ZNF280B: variants seen among roughly 807,000 people sequenced by gnomAD.
The protein encoded by ZNF280B is zinc finger protein 280B.
A neutral mutation model predicts 38.0 loss-of-function variants in ZNF280B; 16 were observed. The ratio of observed to expected loss-of-function variants is 0.42; its 90% confidence interval spans 0.28 to 0.64. ZNF280B has a LOEUF of 0.64. Ranked by LOEUF, ZNF280B falls within the 30% of genes least tolerant of loss-of-function variation. The probability of loss-of-function intolerance (pLI) is 0.21; values close to 1 mark genes in which losing one functional copy is unlikely to be tolerated. For missense variants in ZNF280B, 581 were observed against 639.6 expected (o/e 0.91, Z 0.99); for synonymous variants, 253 against 230.6 (o/e 1.10, Z -0.88).
intron 3 of ZNF280B, among the ~76,000 whole-genome samples, chr22:22,489,870 CTA>C (rs2061558946): frequency 6.6e-6 from 1 of 151,788 alleles, no homozygotes; most frequent in Non-Finnish European, 1.5e-5. Flanking sequence ...ATGTATTTTG[CTA>C]TCTTAAAGGC....
chr22:22,503,239 GGAGTGACTGC>G (rs1336143091), intron 2 of ZNF280B, among the ~76,000 whole-genome samples: 1 of 151,860 alleles, frequency 6.6e-6, no homozygotes, highest in Non-Finnish European at 1.5e-5. Flanking sequence ...AGTAATATAG[GGAGTGACTGC>G]TAATGGATAC....
At chr22:22,501,007 A>G (rs1355122991) in intron 2 of ZNF280B, among the ~76,000 whole-genome samples, 2 of 133,500 alleles carry the variant, frequency 1.5e-5, no homozygotes, top group Non-Finnish European at 1.6e-5. Context: ...GCAACACACC[A>G]AGACTCCGTC....
rs201381935 is a variant in ZNF280B, at chr22:22,487,983, G to C, written c.1416C>G (p.Phe472Leu). The C allele has an allele frequency of 1.9e-6, 3 of 1,613,454 alleles. No individual in the cohort carries two copies. Among genetic ancestry groups the C allele is most frequent in the Non-Finnish European group, 2.5e-6 (3 of 1,179,874 alleles). ...GGGTCTTGTGCTCCATTTTCTCCTT[G>C]AAAGTTAAAAACTGTAGCCGGCACT... ...CSKCRLQFLT[F>L]KEKMEHKTQC... is the part of the protein sequence containing the mutation. The change falls in exon 4 of 4, where the codon TTC (phenylalanine) becomes TTG (leucine). Residue 472 changes from phenylalanine (F) to leucine (L), a missense_variant. By Grantham distance (22) the Phe-to-Leu change is conservative. Coordinates refer to ENST00000626650, the MANE Select transcript of ZNF280B (RefSeq NM_080764.4).
chr22:22,486,264 T>C lies in ZNF280B; in HGVS notation c.*1503A>G, dbSNP rs992364939. The C allele has an allele frequency of 3.9e-5, 6 of 152,164 alleles. No homozygotes were observed. The highest frequency in any genetic ancestry group is 1.4e-4 in the African/African-American group (6 of 41,400). 9.4% of individuals were successfully genotyped at this position (152,164 alleles called of 1,614,324 possible). On this transcript the variant is annotated 3_prime_UTR_variant, in exon 4 of 4. Coordinates refer to ENST00000626650, the MANE Select transcript of ZNF280B (RefSeq NM_080764.4). ...TAAGATATATATGCACAGAAAAATATAAAGCCATTATGGGTTTAAATTCAG... is the reference window on the plus strand; with the variant it reads ...TAAGATATATATGCACAGAAAAATACAAAGCCATTATGGGTTTAAATTCAG...
chr22:22,486,537 G>A lies in ZNF280B; in HGVS notation c.*1230C>T, dbSNP rs972499648. Reference sequence around the variant, plus strand: ...TATGGCCAGTTCATTCTCCACTAACGGCTAGCCAGAAGGGAGAGGAGAGGG... The same window carrying A: ...TATGGCCAGTTCATTCTCCACTAACAGCTAGCCAGAAGGGAGAGGAGAGGG... On this transcript the variant is annotated 3_prime_UTR_variant, in exon 4 of 4. Transcript: ENST00000626650. The A allele has an allele frequency of 3.9e-5, 6 of 152,328 alleles. No homozygotes were observed. The highest frequency in any genetic ancestry group is 1.5e-4 in the African/African-American group (6 of 41,350). The allele number at this position is 152,328 out of a possible 1,614,324, so 9.4% of individuals were successfully genotyped here.
chr22:22,501,644 G>A (rs2061827456), intron 2 of ZNF280B, among the ~76,000 whole-genome samples: 1 of 151,928 alleles, frequency 6.6e-6, no homozygotes, highest in South Asian at 2.1e-4. Context: ...TTGGAAGGCT[G>A]AGATGGGAGG....
intron 2 of ZNF280B, among the ~76,000 whole-genome samples, chr22:22,497,343 C>A (rs182361082): frequency 0.023 from 3,365 of 148,604 alleles, 60 homozygotes; most frequent in Middle Eastern, 0.1. Flanking sequence ...CCAGCCTGAC[C>A]AACATGGTGA....
intron 2 of ZNF280B, among the ~76,000 whole-genome samples, chr22:22,499,041 C>T (rs6002538): frequency 0.12 from 17,836 of 151,310 alleles, 1,247 homozygotes; most frequent in South Asian, 0.27. Flanking sequence ...CCTCGTGATC[C>T]GCTCGCCTTG....
intron 2 of ZNF280B, among the ~76,000 whole-genome samples, chr22:22,502,087 A>G (rs187333296): frequency 2.5e-3 from 374 of 152,026 alleles, no homozygotes; most frequent in Non-Finnish European, 3.9e-3. Flanking sequence ...TAATTGTGTC[A>G]CTGTACTGCA....
In ZNF280B at chr22:22,484,780, C is replaced by T. The variant is rs2061483867; in HGVS notation, c.*2987G>A. The T allele has an allele frequency of 6.6e-6, 1 of 151,774 alleles. No homozygotes were observed. Among genetic ancestry groups the T allele is most frequent in the Admixed American group, 6.6e-5 (1 of 15,184 alleles). 9.4% of individuals were successfully genotyped at this position (151,774 alleles called of 1,614,324 possible). A position where few individuals can be genotyped will look rare whatever the true frequency, so the allele number is the denominator to read the frequency against. On this transcript the variant is annotated 3_prime_UTR_variant, in exon 4 of 4. Transcript: ENST00000626650. ...CGCTTTCCAGCTTTTTCATGAAAAC[C>T]TAGGAAATTTAAATACTTTGAAGAG... is the stretch of plus-strand genomic sequence containing the variant.
Position 22,487,815 on chromosome 22 carries a change from T to C in ZNF280B, c.1584A>G (p.Glu528=). 1 of 1,610,454 alleles carries C rather than the reference T, an allele frequency of 6.2e-7. No homozygotes were observed. Among genetic ancestry groups the C allele is most frequent in the Non-Finnish European group, 8.5e-7 (1 of 1,178,778 alleles). ...TGCTTTTAGACCTGGGGAGTGATGG[T>C]TCAGAGTCAGATGTGCTCACAGTTA... ...ASITVSTSDS[E]PSLPRSKSKI... Residue 528 remains glutamate, a synonymous_variant, in exon 4 of 4, where the codon GAA becomes GAG. Coordinates refer to ENST00000626650, the MANE Select transcript of ZNF280B (RefSeq NM_080764.4).
At position 22,487,622 on chromosome 22, in the gene ZNF280B, C is replaced by T; in HGVS notation, c.*145G>A. On this transcript the variant is annotated 3_prime_UTR_variant, in exon 4 of 4. Coordinates refer to ENST00000626650, the MANE Select transcript of ZNF280B (RefSeq NM_080764.4). ...AAAATTCAGATCAAATAATATATAT[C>T]CTGAATCTTGTTTAAAAAGTCATAT... The T allele has an allele frequency of 1.6e-6, 1 of 631,148 alleles. No homozygotes were observed. Among genetic ancestry groups the T allele is most frequent in the Non-Finnish European group, 2.6e-6 (1 of 385,604 alleles). 39.1% of individuals were successfully genotyped at this position (631,148 alleles called of 1,614,324 possible).
chr22:22,501,399 T>C (rs59564267), intron 2 of ZNF280B, among the ~76,000 whole-genome samples: 2,478 of 151,474 alleles, frequency 0.016, 64 homozygotes, highest in African/African-American at 0.055. Flanking sequence ...ACCCTGTCTC[T>C]ACTAAAAATA....
chr22:22,495,145 C>T (rs2146795146), intron 2 of ZNF280B, among the ~76,000 whole-genome samples: 1 of 152,104 alleles, frequency 6.6e-6, no homozygotes, highest in Middle Eastern at 3.5e-3. Flanking sequence ...TATTTTTCTT[C>T]TGAACCCCAG....
At chr22:22,501,951 T>A (rs556995363) in intron 2 of ZNF280B, among the ~76,000 whole-genome samples, 153 of 149,978 alleles carry the variant, frequency 1.0e-3, no homozygotes, top group Admixed American at 7.9e-3. Context: ...AAAAAAAAAA[T>A]TTAAATTTAG....
Position 22,489,417 on chromosome 22 carries a change from C to G in ZNF280B, c.-19G>C, listed in dbSNP as rs781298168. On this transcript the variant is annotated 5_prime_UTR_variant, in exon 4 of 4. Transcript: ENST00000626650. ...GTTCCATTTTCTAATTTTTTTATTCCTGAATGGTGGGGCCACAAGTCCCAA... is the reference window on the plus strand; with the variant it reads ...GTTCCATTTTCTAATTTTTTTATTCGTGAATGGTGGGGCCACAAGTCCCAA... 1.3e-5 allele frequency: 20 copies of G among 1,569,710 alleles called. No individual in the cohort carries two copies. The highest frequency in any genetic ancestry group is 1.9e-5 in the Admixed American group (1 of 51,660).
At chr22:22,504,474 G>A (rs1289569126) in intron 2 of ZNF280B, among the ~76,000 whole-genome samples, 2 of 151,204 alleles carry the variant, frequency 1.3e-5, no homozygotes, top group East Asian at 3.9e-4. Flanking sequence ...TTAACTAGGT[G>A]TTAAAAGCCA....
In ZNF280B at chr22:22,486,472, C is replaced by A. The variant is rs959359109; in HGVS notation, c.*1295G>T. 1 of 152,414 alleles carries A rather than the reference C, an allele frequency of 6.6e-6. No homozygotes were observed. The highest frequency in any genetic ancestry group is 2.4e-5 in the African/African-American group (1 of 41,390). The allele number at this position is 152,414 out of a possible 1,614,324, so 9.4% of individuals were successfully genotyped here. A position where few individuals can be genotyped will look rare whatever the true frequency, so the allele number is the denominator to read the frequency against. On this transcript the variant is annotated 3_prime_UTR_variant, in exon 4 of 4. Coordinates refer to ENST00000626650, the MANE Select transcript of ZNF280B (RefSeq NM_080764.4). ...GTTCAAATTATAGATATTAGGGCTT[C>A]TTCCCCTTGGGAAACTTGCTTTACA...
intron 2 of ZNF280B, among the ~76,000 whole-genome samples, chr22:22,504,206 G>A (rs537745013): frequency 1.3e-5 from 2 of 151,958 alleles, no homozygotes; most frequent in East Asian, 3.9e-4. Context: ...GGCTGAGGCA[G>A]GTGGCTCACG....
Sources: gnomAD v4.1 joint callset for allele counts (sites outside exome capture counted in the v4.1 genomes callset) on GRCh38, gnomAD v4.1.1 for gene constraint, MANE v1.5 for transcripts, NCBI Gene and HGNC (gene_info 2026-07-23, HGNC 2026-07-21) for gene names.